The following USH2A variants were observed in gnomAD, a reference collection of about 807,000 sequenced individuals.
The protein encoded by USH2A is Usher syndrome 2A (autosomal recessive, mild).
In USH2A, 443 loss-of-function variants were observed where a neutral mutation model predicts 538.9. The observed-to-expected ratio is 0.82, with a 90% CI of 0.76 to 0.89. The LOEUF (loss-of-function observed/expected upper bound fraction) is 0.89. USH2A is among the 40% of genes least tolerant of loss of function. USH2A has a pLI of 0.00. For synonymous variants in USH2A, 2,413 were observed against 2,273.5 expected (o/e 1.06, Z -1.75); for missense variants, 6,633 against 6,324.8 (o/e 1.05, Z -1.65).
At chr1:216,342,865 G>A (rs1177532880) in intron 4 of USH2A, among the ~76,000 whole-genome samples, 1 of 151,968 alleles carries the variant, frequency 6.6e-6, no homozygotes, top group African/African-American at 2.4e-5. Context: ...AGAGCATCAG[G>A]ACAAACAGTT....
At chr1:215,867,293 T>C (rs1664500421) in intron 43 of USH2A, 123 bp from the exon 44 acceptor site, 2 of 1,043,128 alleles carry the variant, frequency 1.9e-6, no homozygotes, top group South Asian at 3.1e-5. Flanking sequence ...AAATACTGTT[T>C]TCTTTTCCTC....
At chr1:216,046,301 T>C (rs1312456908) in intron 32 of USH2A, 130 bp downstream of exon 32, 4 of 943,990 alleles carry the variant, frequency 4.2e-6, no homozygotes, top group Non-Finnish European at 6.4e-6. Flanking sequence ...GTTATTTTTT[T>C]CACATATTTC....
intron 37 of USH2A, among the ~76,000 whole-genome samples, chr1:215,937,395 A>T (rs1274132018): frequency 6.6e-6 from 1 of 152,114 alleles, no homozygotes; most frequent in Non-Finnish European, 1.5e-5. Context: ...GTTCTTTACA[A>T]CTAGTCAGCT....
chr1:215,634,782 T>A, intron 69 of USH2A, 79 bp from the exon 70 acceptor site: 1 of 1,609,382 alleles, frequency 6.2e-7, no homozygotes, highest in Non-Finnish European at 8.5e-7. Context: ...TATTTGATAG[T>A]AAATTAGAGA....
At chr1:215,785,337 A>C (rs111692225) in intron 52 of USH2A, among the ~76,000 whole-genome samples, 1 of 152,158 alleles carries the variant, frequency 6.6e-6, no homozygotes, top group South Asian at 2.1e-4. Context: ...CTTGAAGTGC[A>C]TTTGGAGCAC....
At chr1:215,942,435 G>C (rs910441477) in intron 37 of USH2A, among the ~76,000 whole-genome samples, 1 of 152,090 alleles carries the variant, frequency 6.6e-6, no homozygotes, top group African/African-American at 2.4e-5. Context: ...CCAGGAGGTG[G>C]GGAAAGTCAG....
intron 32 of USH2A, among the ~76,000 whole-genome samples, chr1:216,012,494 G>A (rs989782016): frequency 7.9e-5 from 12 of 152,160 alleles, no homozygotes; most frequent in South Asian, 2.1e-4. Flanking sequence ...GAAGGCCACC[G>A]CAGTCATTTC....
At chr1:216,100,479 A>G (rs554703037) in intron 21 of USH2A, among the ~76,000 whole-genome samples, 1 of 152,286 alleles carries the variant, frequency 6.6e-6, no homozygotes, top group East Asian at 1.9e-4. Context: ...CTACTTGAGA[A>G]ATCTTATCTT....
chr1:216,127,661 T>C (rs1383616647), intron 21 of USH2A, among the ~76,000 whole-genome samples: 2 of 152,172 alleles, frequency 1.3e-5, no homozygotes, highest in African/African-American at 4.8e-5. Flanking sequence ...ATAAATCATT[T>C]CACAATGCAA....
intron 35 of USH2A, among the ~76,000 whole-genome samples, chr1:215,980,574 G>A (rs1667727591): frequency 6.6e-6 from 1 of 151,984 alleles, no homozygotes; most frequent in Admixed American, 6.6e-5. Context: ...GTCCATAATT[G>A]GATCCCTTTC....
At chr1:216,120,954 TATTG>T (rs143709918) in intron 21 of USH2A, among the ~76,000 whole-genome samples, 53,234 of 151,718 alleles carry the variant, frequency 0.35, 10,222 homozygotes, top group East Asian at 0.73. Context: ...CCCCAAACAT[TATTG>T]ATTATTTCAG....
intron 30 of USH2A, among the ~76,000 whole-genome samples, chr1:216,054,904 C>G (rs1558234036): frequency 6.6e-6 from 1 of 152,166 alleles, no homozygotes; most frequent in Non-Finnish European, 1.5e-5. Flanking sequence ...TTCCGTTGCA[C>G]TTTTAGTCTG....
intron 32 of USH2A, among the ~76,000 whole-genome samples, chr1:216,007,855 T>C (rs6696269): frequency 0.44 from 67,471 of 152,130 alleles, 16,610 homozygotes; most frequent in East Asian, 0.84. Context: ...TACTTACTAC[T>C]AAGTTGCATG....
At position 215,838,120 on chromosome 1, in the gene USH2A, A is replaced by G; in HGVS notation, c.9259-17T>C. On this transcript the variant is annotated splice_polypyrimidine_tract_variant and intron_variant, in intron 46 of 71. Coordinates refer to ENST00000307340, the MANE Select transcript of USH2A (RefSeq NM_206933.4). ...GACTTCAACCTGCAAACATTAGTTTAGAAAAAATAAATGCAACCATTTTTG... is the reference window on the plus strand; with the variant it reads ...GACTTCAACCTGCAAACATTAGTTTGGAAAAAATAAATGCAACCATTTTTG... The G allele has an allele frequency of 1.3e-6, 2 of 1,598,716 alleles. No homozygotes were observed. Among genetic ancestry groups the G allele is most frequent in the South Asian group, 2.2e-5 (2 of 90,794 alleles).
In USH2A at chr1:216,246,608, C is replaced by A. The variant is rs947233973; in HGVS notation, c.2786G>T (p.Arg929Ile). Residue 929 changes from arginine (R) to isoleucine (I), a missense_variant, in exon 13 of 72, where the codon AGA (arginine) becomes ATA (isoleucine). Physicochemically the swap from Arg to Ile is moderately conservative, Grantham distance 97. Coordinates refer to ENST00000307340, the MANE Select transcript of USH2A (RefSeq NM_206933.4). ...QCLCVPNRQG[R>I]RCNQCQPGFY... ...ACCTGGTTGACACTGATTACACCTT[C>A]TTCCTTGACGATTAGGCACACACAG... The A allele has an allele frequency of 6.2e-7, 1 of 1,614,062 alleles. No individual in the cohort carries two copies. The highest frequency in any genetic ancestry group is 8.5e-7 in the Non-Finnish European group (1 of 1,179,948).
Position 216,324,282 on chromosome 1 carries a change from T to A in USH2A, c.1214A>T (p.Asn405Ile). The A allele has an allele frequency of 6.2e-7, 1 of 1,613,186 alleles. No individual in the cohort carries two copies. The highest frequency in any genetic ancestry group is 8.5e-7 in the Non-Finnish European group (1 of 1,179,582). Residue 405 changes from asparagine to isoleucine, a missense_variant, in exon 7 of 72, where the codon AAT becomes ATT. Physicochemically the swap from Asn to Ile is moderately radical, Grantham distance 149. Transcript: ENST00000307340. ...TTGCCAGTCCTCCCAATCTAAACTA[T>A]TTTCCTTCTTCCTTTGAATCCTTAT... ...TEIRIQRKKENSLDWEDWQYF... is the reference protein window; with the variant it reads ...TEIRIQRKKEISLDWEDWQYF...
rs942321713 is a variant in USH2A at position 215,970,660 on chromosome 1, C to T, written c.6922G>A (p.Ala2308Thr). The change falls in exon 36 of 72, where the codon GCA becomes ACA. Residue 2308 changes from alanine (A) to threonine (T), a missense_variant. Physicochemically the swap from Ala to Thr is moderately conservative, Grantham distance 58. Transcript: ENST00000307340. ...AGAGCACAACCTTTGGCCGTGCATG[C>T]TTGGACTCTGAAGGAATGTAAACTC... ...PWSLHSFRVQ[A>T]CTAKGCALGP... The T allele has an allele frequency of 1.9e-6, 3 of 1,613,626 alleles. No individual in the cohort carries two copies. The highest frequency in any genetic ancestry group is 2.5e-6 in the Non-Finnish European group (3 of 1,179,724).
intron 21 of USH2A, among the ~76,000 whole-genome samples, chr1:216,098,009 C>T (rs977105112): frequency 4.1e-5 from 6 of 147,938 alleles, no homozygotes; most frequent in Admixed American, 2.7e-4. Context: ...ATGATGCCTT[C>T]GCCCTACCAT....
chr1:216,075,350 AC>A (rs2031709735), intron 27 of USH2A, among the ~76,000 whole-genome samples: 2 of 152,100 alleles, frequency 1.3e-5, no homozygotes, highest in Admixed American at 6.5e-5. Context: ...TGCTCCCCAG[AC>A]CTAAAACATT....
Sources: allele counts gnomAD v4.1 joint callset (sites outside exome capture counted in the v4.1 genomes callset), GRCh38; gene constraint gnomAD v4.1.1; transcripts MANE v1.5; gene names NCBI Gene and HGNC (gene_info 2026-07-23, HGNC 2026-07-21).